The following ZBTB20 variants were observed in gnomAD, a reference collection of about 807,000 sequenced individuals.
ZBTB20 encodes zinc finger and BTB domain-containing protein 20.
A neutral mutation model predicts 56.9 loss-of-function variants in ZBTB20; 9 were observed. That is an observed-to-expected ratio of 0.16 (90% confidence interval 0.10 to 0.28). The LOEUF (loss-of-function observed/expected upper bound fraction) is 0.28, where lower values mean the gene tolerates loss of function less well. Among genes scored for constraint, ZBTB20 ranks in the 10% least tolerant of loss-of-function variants. ZBTB20 has a pLI of 1.00. For synonymous variants in ZBTB20, 417 were observed against 420.7 expected (o/e 0.99, Z 0.11); for missense variants, 655 against 1,003.0 (o/e 0.65, Z 4.69).
In ZBTB20 at chr3:115,026,257, C is replaced by T. The variant is rs2080417954; in HGVS notation, c.-507+44962G>A. On this transcript the variant is annotated intron_variant, in intron 2 of 11. Transcript: ENST00000675478. ...TCCCCTCATCTACTTTCTGCAAATT[C>T]ATGCATGTTCACTGTACTGTGCTTA... 2.0e-5 allele frequency among the ~76,000 whole-genome samples: 3 copies of T among 151,102 alleles called. No homozygotes were observed. The Admixed American group carries it at 2.0e-4, about 10-fold the overall frequency.
intron 1 of ZBTB20, among the ~76,000 whole-genome samples, chr3:115,095,640 AGTGGT>A (rs1200497747): frequency 2.0e-5 from 3 of 152,196 alleles, no homozygotes; most frequent in Non-Finnish European, 4.4e-5. Flanking sequence ...CACCGGCTGT[AGTGGT>A]TACTACATAC....
intron 7 of ZBTB20, among the ~76,000 whole-genome samples, chr3:114,450,129 A>C (rs2091512657): frequency 6.6e-6 from 1 of 152,202 alleles, no homozygotes; most frequent in South Asian, 2.1e-4. Flanking sequence ...CCTTCTGGAA[A>C]ACTGAGTAGA....
At chr3:114,409,957 G>C (rs2087768658) in intron 7 of ZBTB20, among the ~76,000 whole-genome samples, 1 of 152,150 alleles carries the variant, frequency 6.6e-6, no homozygotes, top group African/African-American at 2.4e-5. Flanking sequence ...AGAAGAGGGA[G>C]AATATCTCTA....
At chr3:115,131,863 G>C (rs978931945) in intron 1 of ZBTB20, among the ~76,000 whole-genome samples, 1 of 152,018 alleles carries the variant, frequency 6.6e-6, no homozygotes, top group Non-Finnish European at 1.5e-5. Flanking sequence ...TTCCAACTAA[G>C]TTGTCATCTT....
chr3:114,547,882 T>C (rs1019966054), intron 6 of ZBTB20, among the ~76,000 whole-genome samples: 1 of 152,252 alleles, frequency 6.6e-6, no homozygotes, highest in African/African-American at 2.4e-5. Flanking sequence ...TTCATTTTTA[T>C]ATTAATTTTC....
intron 1 of ZBTB20, among the ~76,000 whole-genome samples, chr3:115,120,046 T>C (rs1313397925): frequency 3.9e-5 from 6 of 152,010 alleles, no homozygotes; most frequent in Non-Finnish European, 8.8e-5. Context: ...GAATAGGTGG[T>C]GGACAGATAA....
intron 5 of ZBTB20, among the ~76,000 whole-genome samples, chr3:114,704,453 C>T (rs2063590050): frequency 6.6e-6 from 1 of 151,896 alleles, no homozygotes. Flanking sequence ...TGAATGTATG[C>T]TAGTGAGCTT....
At chr3:115,045,379 C>T (rs1553884870) in intron 2 of ZBTB20, among the ~76,000 whole-genome samples, 1 of 151,456 alleles carries the variant, frequency 6.6e-6, no homozygotes, top group East Asian at 1.9e-4. Context: ...CCGTAGTGGC[C>T]GAATTTCCTA....
intron 5 of ZBTB20, among the ~76,000 whole-genome samples, chr3:114,724,166 C>T (rs771912353): frequency 6.6e-6 from 1 of 152,050 alleles, no homozygotes; most frequent in Non-Finnish European, 1.5e-5. Context: ...AGCCACCGCT[C>T]GGCCTCCCAA....
At chr3:114,440,613 A>G (rs181177916) in intron 7 of ZBTB20, among the ~76,000 whole-genome samples, 13 of 152,254 alleles carry the variant, frequency 8.5e-5, no homozygotes, top group Non-Finnish European at 1.8e-4. Context: ...AAGAGAGCAT[A>G]GGGGAGAAAA....
chr3:114,471,238 T>C (rs1471731773), intron 7 of ZBTB20, among the ~76,000 whole-genome samples: 1 of 152,180 alleles, frequency 6.6e-6, no homozygotes, highest in Non-Finnish European at 1.5e-5. Flanking sequence ...CTTAATATTC[T>C]TCATCCTATC....
intron 5 of ZBTB20, among the ~76,000 whole-genome samples, chr3:114,763,428 T>C (rs561391349): frequency 3.3e-5 from 5 of 152,210 alleles, no homozygotes; most frequent in African/African-American, 4.8e-5. Context: ...TTTTTATCTA[T>C]GATACCTCAA....
chr3:115,101,541 A>AGTTTAAAAGT (rs1208214294), intron 1 of ZBTB20, among the ~76,000 whole-genome samples: 4 of 152,206 alleles, frequency 2.6e-5, no homozygotes, highest in African/African-American at 9.6e-5. Context: ...ATTTTTAAAA[A>AGTTTAAAAGT]CTAGACTCTG....
intron 2 of ZBTB20, among the ~76,000 whole-genome samples, chr3:115,064,009 G>GC (rs1381951144): frequency 6.6e-6 from 1 of 151,734 alleles, no homozygotes; most frequent in Non-Finnish European, 1.5e-5. Context: ...TTGTCACTTT[G>GC]CCCCCCACAT....
chr3:114,597,063 C>A (rs977808217), intron 6 of ZBTB20, among the ~76,000 whole-genome samples: 1 of 152,028 alleles, frequency 6.6e-6, no homozygotes, highest in Admixed American at 6.6e-5. Context: ...TATATAAAGG[C>A]CCACAGGCAC....
At chr3:114,782,765 T>C (rs1246976897) in intron 5 of ZBTB20, among the ~76,000 whole-genome samples, 1 of 152,180 alleles carries the variant, frequency 6.6e-6, no homozygotes, top group African/African-American at 2.4e-5. Flanking sequence ...GAGCAGGATC[T>C]TGATGCAAAT....
intron 7 of ZBTB20, among the ~76,000 whole-genome samples, chr3:114,438,670 T>C (rs1330802452): frequency 6.6e-6 from 1 of 152,152 alleles, no homozygotes; most frequent in African/African-American, 2.4e-5. Context: ...ATACTTTCAA[T>C]TGGTATGCTA....
intron 6 of ZBTB20, among the ~76,000 whole-genome samples, chr3:114,616,636 G>T (rs533342080): frequency 6.6e-6 from 1 of 152,188 alleles, no homozygotes; most frequent in East Asian, 1.9e-4. Flanking sequence ...TATTTTTCCT[G>T]AGAAATGTCC....
intron 5 of ZBTB20, among the ~76,000 whole-genome samples, chr3:114,764,236 CCTCTCT>C (rs1009350297): frequency 1.7e-5 from 2 of 118,120 alleles, no homozygotes; most frequent in African/African-American, 6.1e-5. Context: ...CCCCCTTCTA[CCTCTCT>C]CTCTCTCTCT....
Sources: allele counts gnomAD v4.1 joint callset (sites outside exome capture counted in the v4.1 genomes callset), GRCh38; gene constraint gnomAD v4.1.1; transcripts MANE v1.5; gene names NCBI Gene and HGNC (gene_info 2026-07-23, HGNC 2026-07-21).